ITGB1BP1: variants seen among roughly 807,000 people sequenced by gnomAD.
The protein encoded by ITGB1BP1 is integrin beta-1-binding protein 1.
In ITGB1BP1, 20 loss-of-function variants were observed where a neutral mutation model predicts 28.0. That is an observed-to-expected ratio of 0.71 (90% CI 0.50 to 1.04). The LOEUF (loss-of-function observed/expected upper bound fraction) is 1.04. Among genes scored for constraint, ITGB1BP1 ranks in the 50% least tolerant of loss-of-function variants. The pLI is 0.00. For missense variants in ITGB1BP1, 228 were observed against 242.5 expected (o/e 0.94, Z 0.40); for synonymous variants, 103 against 89.5 (o/e 1.15, Z -0.85).
chr2:9,423,045 CCTGAGAG>C, intron 1 of ITGB1BP1: 1 of 998,440 alleles, frequency 1.0e-6, no homozygotes, highest in Non-Finnish European at 1.2e-6. Context: ...CAACCCCGAC[CCTGAGAG>C]GCGGGAGGCG....
chr2:9,421,672 G>A lies in ITGB1BP1; in HGVS notation c.-36+1701C>T, dbSNP rs182274786. Among the ~76,000 whole-genome samples, 766 of 149,146 alleles carry A rather than the reference G, an allele frequency of 5.1e-3. 7 individuals are homozygous for A. The highest frequency in any genetic ancestry group is 0.019 in the African/African-American group (741 of 39,976). On this transcript the variant is annotated intron_variant, in intron 1 of 6. Transcript: ENST00000355346. ...ACTGCACTCCAGCCTGGACGAAAGA[G>A]CGAGACTCCGTCTCAAAAAAAAAAA...
chr2:9,410,758 G>A (rs1316621999), intron 4 of ITGB1BP1, among the ~76,000 whole-genome samples: 1 of 151,750 alleles, frequency 6.6e-6, no homozygotes, highest in African/African-American at 2.4e-5. Context: ...TGTTTTTTTT[G>A]TAGAAATGAG....
chr2:9,408,260 A>C (rs1677817155), intron 4 of ITGB1BP1, 55 bp from the exon 5 acceptor site: 1 of 1,060,384 alleles, frequency 9.4e-7, no homozygotes, highest in Non-Finnish European at 1.5e-6. Context: ...AATAGTCTTA[A>C]GTCTGACTAG....
intron 2 of ITGB1BP1, 93 bp downstream of exon 2, chr2:9,418,533 T>G (rs1679420366): frequency 1.2e-6 from 1 of 865,426 alleles, no homozygotes; most frequent in East Asian, 2.4e-5. Context: ...TATCAGGAGA[T>G]CTGCCCACGG....
At chr2:9,418,957 T>C (rs1416745905) in intron 1 of ITGB1BP1, among the ~76,000 whole-genome samples, 1 of 152,166 alleles carries the variant, frequency 6.6e-6, no homozygotes, top group Admixed American at 6.5e-5. Flanking sequence ...TCTTGCCATG[T>C]TGGCCAGGCT....
In ITGB1BP1 at chr2:9,423,409, C is replaced by A. The variant is rs1336336496; in HGVS notation, c.-72G>T. ...GGGCCCATCCCCGGGTTGCGGACTT[C>A]GGGGTCCGCGTGGGAGTGCCGCGGC... On this transcript the variant is annotated 5_prime_UTR_variant, in exon 1 of 7. Transcript: ENST00000355346. 1.7e-6 allele frequency: 2 copies of A among 1,143,566 alleles called. No homozygotes were observed. Among genetic ancestry groups the A allele is most frequent in the Non-Finnish European group, 2.2e-6 (2 of 921,810 alleles). The allele number at this position is 1,143,566 out of a possible 1,614,324, so 70.8% of individuals were successfully genotyped here.
In ITGB1BP1 at chr2:9,406,884, T is replaced by C. The variant is rs1558418282; in HGVS notation, c.553A>G (p.Lys185Glu). 6.2e-7 allele frequency: 1 copy of C among 1,613,110 alleles called. No homozygotes were observed. Among genetic ancestry groups the C allele is most frequent in the East Asian group, 2.2e-5 (1 of 44,882 alleles). Residue 185 changes from lysine to glutamate, a missense_variant, in exon 7 of 7, where the codon AAG becomes GAG. Lys to Glu is a moderately conservative substitution (Grantham distance 56, BLOSUM62 1). Coordinates refer to ENST00000355346, the MANE Select transcript of ITGB1BP1 (RefSeq NM_004763.5). ...NSLEQAQAIC[K>E]VLSTAFDSVL... ...GAGTCAAAAGCGGTGGATAAAACCTTGCAAATGGCTTGTGCTTGTTCCTAC... is the reference window on the plus strand; with the variant it reads ...GAGTCAAAAGCGGTGGATAAAACCTCGCAAATGGCTTGTGCTTGTTCCTAC...
chr2:9,411,969 G>A, intron 4 of ITGB1BP1: 1 of 241,776 alleles, frequency 4.1e-6, no homozygotes, highest in Non-Finnish European at 7.8e-6. Context: ...TTGAAGCCGG[G>A]AGGCGGAGAT....
At chr2:9,414,444 C>A (rs1678868764) in intron 2 of ITGB1BP1, among the ~76,000 whole-genome samples, 188 bp from the exon 3 acceptor site, 1 of 152,182 alleles carries the variant, frequency 6.6e-6, no homozygotes, top group African/African-American at 2.4e-5. Flanking sequence ...AAAAAAAAAA[C>A]CACATAATCC....
chr2:9,406,806 G>A lies in ITGB1BP1; in HGVS notation c.*28C>T. On this transcript the variant is annotated 3_prime_UTR_variant, in exon 7 of 7. Transcript: ENST00000355346. ...TTTGAAAACAGCTGAACTTTCAGAT[G>A]AAGTTGACTTCTACTTGATTGCAGG... The A allele has an allele frequency of 6.7e-7, 1 of 1,484,140 alleles. No individual in the cohort carries two copies. Among genetic ancestry groups the A allele is most frequent in the Non-Finnish European group, 9.4e-7 (1 of 1,061,256 alleles). 91.9% of individuals were successfully genotyped at this position (1,484,140 alleles called of 1,614,324 possible).
chr2:9,416,738 G>A (rs1426993572), intron 2 of ITGB1BP1, among the ~76,000 whole-genome samples: 2 of 152,132 alleles, frequency 1.3e-5, no homozygotes, highest in African/African-American at 4.8e-5. Context: ...AATCCCTCAA[G>A]CAGTATCTGT....
At chr2:9,414,376 T>C in intron 2 of ITGB1BP1, 120 bp from the exon 3 acceptor site, 1 of 683,622 alleles carries the variant, frequency 1.5e-6, no homozygotes, top group Admixed American at 2.9e-5. Flanking sequence ...ACCATGTCAA[T>C]TATTCAGGCA....
chr2:9,408,631 T>C (rs1007898254), intron 4 of ITGB1BP1, among the ~76,000 whole-genome samples: 2 of 152,158 alleles, frequency 1.3e-5, no homozygotes, highest in African/African-American at 4.8e-5. Flanking sequence ...TGAGCCACCA[T>C]GTGGGCCAAT....
Position 9,418,209 on chromosome 2 carries a change from G to A in ITGB1BP1, c.72+417C>T, listed in dbSNP as rs143124662. Among the ~76,000 whole-genome samples the A allele has an allele frequency of 1.4e-3, 216 of 152,202 alleles. 1 individual carries two copies. The highest frequency in any genetic ancestry group is 4.9e-3 in the African/African-American group (205 of 41,516). On this transcript the variant is annotated intron_variant, in intron 2 of 6. Transcript: ENST00000355346. ...TTTGTTTTGCATGAATTAAATCCACGCTTACCTTCCAACAGCATTCAAAAA... is the reference window on the plus strand; with the variant it reads ...TTTGTTTTGCATGAATTAAATCCACACTTACCTTCCAACAGCATTCAAAAA...
chr2:9,408,551 G>T, intron 4 of ITGB1BP1: 1 of 204,128 alleles, frequency 4.9e-6, no homozygotes, highest in Non-Finnish European at 1.0e-5. Context: ...TGTTGGCCAG[G>T]CTGGTCTCGA....
chr2:9,419,735 A>G (rs1251403278), intron 1 of ITGB1BP1, among the ~76,000 whole-genome samples: 3 of 152,202 alleles, frequency 2.0e-5, no homozygotes. Context: ...GGACAGTTCT[A>G]CTGTCATAGC....
At position 9,423,419 on chromosome 2, in the gene ITGB1BP1, G is replaced by A; in HGVS notation, c.-82C>T. On this transcript the variant is annotated 5_prime_UTR_variant, in exon 1 of 7. In the 5' UTR this introduces an upstream ATG that the reference lacks. Transcript: ENST00000355346. ...CCGGGTTGCGGACTTCGGGGTCCGCGTGGGAGTGCCGCGGCCTTTGGCGCC... is the reference window on the plus strand; with the variant it reads ...CCGGGTTGCGGACTTCGGGGTCCGCATGGGAGTGCCGCGGCCTTTGGCGCC... The A allele has an allele frequency of 1.7e-6, 2 of 1,146,120 alleles. No individual in the cohort carries two copies. The highest frequency in any genetic ancestry group is 1.7e-5 in the African/African-American group (1 of 59,206). 71.0% of individuals were successfully genotyped at this position (1,146,120 alleles called of 1,614,324 possible). A position where few individuals can be genotyped will look rare whatever the true frequency, so the allele number is the denominator to read the frequency against.
rs1348297427 is a variant in ITGB1BP1 at position 9,406,302 on chromosome 2, AGTGTGTGTTTGTC to A, written c.*519_*531del. On this transcript the variant is annotated 3_prime_UTR_variant, in exon 7 of 7. Transcript: ENST00000355346. ...GACATCTCGTCTTCCTCAGGCCTTC[AGTGTGTGTTTGTC>A]ACTGAGTGGACCTCTGTGACATCTA... 1.3e-3 allele frequency: 12 copies of A among 9,224 alleles called. 4 individuals carry two copies. The highest frequency in any genetic ancestry group is 0.012 in the African/African-American group (11 of 908). 0.6% of individuals were successfully genotyped at this position (9,224 alleles called of 1,614,324 possible). A position where few individuals can be genotyped will look rare whatever the true frequency, so the allele number is the denominator to read the frequency against.
chr2:9,407,539 A>T lies in ITGB1BP1; in HGVS notation c.441T>A (p.Gly147=). The T allele has an allele frequency of 6.2e-7, 1 of 1,614,084 alleles. No individual in the cohort carries two copies. ...CCAGTAAGCTTTTTCCCGCCCCCAG[A>T]CCGTCATCGTAACACACCATCCGGA... ...LIIRMVCYDD[G]LGAGKSLLAL... The change falls in exon 6 of 7, where the codon GGT becomes GGA. Residue 147 remains glycine, a synonymous_variant. Transcript: ENST00000355346.
Sources: gnomAD v4.1 joint callset for allele counts (sites outside exome capture counted in the v4.1 genomes callset) on GRCh38, gnomAD v4.1.1 for gene constraint, MANE v1.5 for transcripts, NCBI Gene and HGNC (gene_info 2026-07-23, HGNC 2026-07-21) for gene names.